CELF2: variants seen among roughly 807,000 people sequenced by gnomAD.
CELF2 encodes the protein CUG triplet repeat RNA-binding protein 2.
CELF2 carries 8 observed loss-of-function variants against 62.6 expected under a neutral mutation model. The ratio of observed to expected loss-of-function variants is 0.13; its 90% CI spans 0.07 to 0.23. The LOEUF (loss-of-function observed/expected upper bound fraction) is 0.23. Ranked by LOEUF, CELF2 falls within the 10% of genes least tolerant of loss-of-function variation. CELF2 has a pLI of 1.00. For synonymous variants in CELF2, 258 were observed against 250.0 expected (o/e 1.03, Z -0.30); for missense variants, 333 against 671.0 (o/e 0.50, Z 5.56).
At chr10:10,988,299 A>G (rs1342327459) in intron 2 of CELF2, among the ~76,000 whole-genome samples, 3 of 149,282 alleles carry the variant, frequency 2.0e-5, no homozygotes, top group Non-Finnish European at 4.4e-5. Context: ...ATATATAGAG[A>G]GAGAGAGAGA....
chr10:11,108,347 T>TG (rs764477304), intron 1 of CELF2, among the ~76,000 whole-genome samples: 5 of 122,462 alleles, frequency 4.1e-5, no homozygotes, highest in South Asian at 6.8e-4. Context: ...TCTGGTTCAC[T>TG]GTTTTTTTGT....
the CELF2 span, among the ~76,000 whole-genome samples, chr10:10,643,311 G>A: frequency 6.6e-6 from 1 of 151,892 alleles, no homozygotes; most frequent in Non-Finnish European, 1.5e-5. Context: ...GTTGAATCAG[G>A]GAGACAAGTT....
chr10:10,776,943 G>A, the CELF2 span, among the ~76,000 whole-genome samples: 6 of 152,308 alleles, frequency 3.9e-5, no homozygotes, highest in East Asian at 9.6e-4. Context: ...TTCTCTTCAC[G>A]TCTTGGCTAT....
chr10:10,474,831 C>T, the CELF2 span, among the ~76,000 whole-genome samples: 1 of 152,050 alleles, frequency 6.6e-6, no homozygotes, highest in Non-Finnish European at 1.5e-5. Context: ...GGGGAACAGT[C>T]AGGTGAGTCT....
chr10:11,058,345 A>C (rs1052962670), intron 1 of CELF2, among the ~76,000 whole-genome samples: 2 of 151,862 alleles, frequency 1.3e-5, no homozygotes, highest in Non-Finnish European at 2.9e-5. Flanking sequence ...TTTGCATCCC[A>C]CTTCACTTCT....
At chr10:11,284,824 G>A (rs911675268) in intron 8 of CELF2, among the ~76,000 whole-genome samples, 3 of 150,874 alleles carry the variant, frequency 2.0e-5, no homozygotes, top group Admixed American at 2.0e-4. Flanking sequence ...ATGGATGGGT[G>A]GGAGAATAAT....
chr10:11,192,053 C>T (rs556191491), intron 2 of CELF2, among the ~76,000 whole-genome samples: 27 of 152,316 alleles, frequency 1.8e-4, no homozygotes, highest in African/African-American at 5.8e-4. Flanking sequence ...CATGTTCAGC[C>T]CCTTCCTGAG....
At chr10:10,644,507 C>T in the CELF2 span, among the ~76,000 whole-genome samples, 2 of 152,004 alleles carry the variant, frequency 1.3e-5, no homozygotes, top group African/African-American at 4.8e-5. Flanking sequence ...CGCAGTTGAG[C>T]CCAGCAGGCA....
chr10:11,216,225 T>C (rs1450621402), intron 2 of CELF2, among the ~76,000 whole-genome samples: 1 of 152,166 alleles, frequency 6.6e-6, no homozygotes, highest in Non-Finnish European at 1.5e-5. Flanking sequence ...AAGTGTAAAA[T>C]GACAAGGTTT....
chr10:10,703,112 C>G, the CELF2 span, among the ~76,000 whole-genome samples: 1 of 152,196 alleles, frequency 6.6e-6, no homozygotes, highest in Non-Finnish European at 1.5e-5. Flanking sequence ...AAAGCAGCAC[C>G]TTCTATCGCT....
the CELF2 span, among the ~76,000 whole-genome samples, chr10:10,630,249 G>A: frequency 1.3e-5 from 2 of 152,178 alleles, no homozygotes; most frequent in Non-Finnish European, 2.9e-5. Flanking sequence ...GAATGGAAGG[G>A]CATCTGCAAG....
At chr10:11,278,252 A>G (rs1028683653) in intron 8 of CELF2, among the ~76,000 whole-genome samples, 11 of 152,250 alleles carry the variant, frequency 7.2e-5, no homozygotes, top group African/African-American at 2.4e-4. Flanking sequence ...AGTGTGCTTT[A>G]TGGTTTTTAT....
the CELF2 span, among the ~76,000 whole-genome samples, chr10:10,674,231 C>T: frequency 6.6e-6 from 1 of 152,128 alleles, no homozygotes; most frequent in Non-Finnish European, 1.5e-5. Flanking sequence ...CATTAAGAAC[C>T]ATTGTCTTCT....
Position 11,231,560 on chromosome 10 carries a change from A to G in CELF2, c.354+14053A>G, listed in dbSNP as rs2068655580. On this transcript the variant is annotated intron_variant, in intron 3 of 12. Transcript: ENST00000633077. ...GGAAGGAGTATGTGGGCTGGAAGAT[A>G]AAAAGGACCAGGGTTCCTGCAGAAC... Among the ~76,000 whole-genome samples, 4 of 152,246 alleles carry G rather than the reference A, an allele frequency of 2.6e-5. No individual in the cohort carries two copies. The South Asian group carries it at 8.3e-4, about 31-fold the overall frequency.
chr10:10,484,460 G>A, the CELF2 span, among the ~76,000 whole-genome samples: 2 of 147,896 alleles, frequency 1.4e-5, no homozygotes, highest in East Asian at 2.0e-4. Flanking sequence ...GGAACTACAG[G>A]CACATGCCAC....
At position 11,270,942 on chromosome 10, in the gene CELF2, G is replaced by A. The variant is rs2083570053; in HGVS notation, c.777+118G>A. The A allele has an allele frequency of 1.0e-6, 1 of 984,972 alleles. No homozygotes were observed. 61.0% of individuals were successfully genotyped at this position (984,972 alleles called of 1,614,324 possible). A position where few individuals can be genotyped will look rare whatever the true frequency, so the allele number is the denominator to read the frequency against. On this transcript the variant is annotated intron_variant, in intron 7 of 12. Transcript: ENST00000633077. The surrounding 1 kb of genome is among the most constrained non-coding windows in gnomAD (Gnocchi z 5.8). Reference sequence around the variant, plus strand: ...ACATTTTCAATCTCGGGGAATTATTGAAATCAGCATTTATGCAGGATATTT... The same window carrying A: ...ACATTTTCAATCTCGGGGAATTATTAAAATCAGCATTTATGCAGGATATTT...
chr10:10,648,581 A>G, the CELF2 span, among the ~76,000 whole-genome samples: 1 of 152,338 alleles, frequency 6.6e-6, no homozygotes, highest in African/African-American at 2.4e-5. Context: ...ACACTGAACC[A>G]TGCAAGTCTA....
chr10:10,530,716 A>G, the CELF2 span, among the ~76,000 whole-genome samples: 4 of 152,252 alleles, frequency 2.6e-5, no homozygotes, highest in Non-Finnish European at 5.9e-5. Flanking sequence ...GTTACCTACA[A>G]AGGTGTTTAA....
intron 1 of CELF2, among the ~76,000 whole-genome samples, chr10:11,006,179 G>A (rs1054234404): frequency 1.3e-5 from 2 of 152,106 alleles, no homozygotes; most frequent in Admixed American, 6.6e-5. Context: ...ATACATCTTT[G>A]GGTCTGACAA....
Sources: gnomAD v4.1 joint callset for allele counts (sites outside exome capture counted in the v4.1 genomes callset) on GRCh38, gnomAD v4.1.1 for gene constraint, Gnocchi (gnomAD v3.1) non-coding constraint, MANE v1.5 for transcripts, NCBI Gene and HGNC (gene_info 2026-07-23, HGNC 2026-07-21) for gene names.